Variants in RBMS3 observed in about 807,000 individuals in gnomAD.
The protein encoded by RBMS3 is RNA-binding motif, single-stranded-interacting protein 3.
Under a neutral mutation model 66.8 loss-of-function variants are expected in RBMS3, and 27 were observed. That is an observed-to-expected ratio of 0.40 (90% CI 0.30 to 0.56). RBMS3 has a LOEUF of 0.56. Ranked by LOEUF, RBMS3 falls within the 20% of genes least tolerant of loss-of-function variation. The pLI is 0.40. For missense variants in RBMS3, 513 were observed against 549.5 expected (o/e 0.93, Z 0.66); for synonymous variants, 188 against 183.0 (o/e 1.03, Z -0.22).
intron 4 of RBMS3, among the ~76,000 whole-genome samples, chr3:29,641,607 CTT>C (rs1475168845): frequency 1.3e-5 from 2 of 152,002 alleles, no homozygotes; most frequent in African/African-American, 4.8e-5. Flanking sequence ...ATGGCAATGA[CTT>C]TTAATTTTTT....
intron 7 of RBMS3, among the ~76,000 whole-genome samples, chr3:29,881,637 G>A (rs773204703): frequency 2.0e-5 from 3 of 152,120 alleles, no homozygotes; most frequent in Non-Finnish European, 4.4e-5. Context: ...TGAAGAAGGA[G>A]GTCAACATAG....
chr3:29,580,913 T>A (rs72855102), intron 3 of RBMS3, among the ~76,000 whole-genome samples: 2 of 152,314 alleles, frequency 1.3e-5, no homozygotes, highest in South Asian at 2.1e-4. Flanking sequence ...CTCTGTTTGC[T>A]AAGTGTCTGA....
At chr3:29,440,213 T>A (rs547250988) in intron 2 of RBMS3, among the ~76,000 whole-genome samples, 41 of 152,304 alleles carry the variant, frequency 2.7e-4, no homozygotes, top group African/African-American at 9.6e-4. Context: ...AAATCATTAT[T>A]GTATTTATAT....
At chr3:29,770,780 G>C (rs961149721) in intron 6 of RBMS3, among the ~76,000 whole-genome samples, 2 of 151,990 alleles carry the variant, frequency 1.3e-5, no homozygotes, top group Non-Finnish European at 2.9e-5. Flanking sequence ...CTATTAGGAA[G>C]CTGAGGGTTG....
chr3:29,648,016 A>G (rs770181297), intron 4 of RBMS3, among the ~76,000 whole-genome samples: 15 of 152,196 alleles, frequency 9.9e-5, no homozygotes, highest in Non-Finnish European at 1.8e-4. Flanking sequence ...CACTAAAAAT[A>G]ATGAGACATG....
chr3:29,587,773 G>A (rs2047585672), intron 4 of RBMS3, among the ~76,000 whole-genome samples: 1 of 151,710 alleles, frequency 6.6e-6, no homozygotes, highest in African/African-American at 2.4e-5. Flanking sequence ...TTTCACTTTG[G>A]CCTTTATATG....
chr3:29,465,572 A>T (rs2042515723), intron 2 of RBMS3, among the ~76,000 whole-genome samples: 1 of 148,682 alleles, frequency 6.7e-6, no homozygotes, highest in African/African-American at 2.5e-5. Context: ...AAATCTAGTG[A>T]GCCCCTGAGC....
intron 4 of RBMS3, among the ~76,000 whole-genome samples, chr3:29,670,668 A>G (rs1321527427): frequency 2.0e-5 from 3 of 152,216 alleles, no homozygotes; most frequent in Non-Finnish European, 4.4e-5. Context: ...ACAGCAGTCC[A>G]AGATCGAACT....
chr3:29,620,974 G>A (rs886380316), intron 4 of RBMS3, among the ~76,000 whole-genome samples: 2 of 151,996 alleles, frequency 1.3e-5, no homozygotes, highest in Non-Finnish European at 2.9e-5. Flanking sequence ...TATCTATTAA[G>A]ACTAAGAAAT....
chr3:29,960,649 A>G (rs1194565566), intron 12 of RBMS3, among the ~76,000 whole-genome samples: 1 of 152,100 alleles, frequency 6.6e-6, no homozygotes, highest in Non-Finnish European at 1.5e-5. Context: ...AGATTTTTCC[A>G]TACATCCTCT....
intron 1 of RBMS3, among the ~76,000 whole-genome samples, chr3:29,402,309 C>T (rs2039846389): frequency 6.6e-6 from 1 of 152,064 alleles, no homozygotes; most frequent in African/African-American, 2.4e-5. Context: ...TCCAACAAAA[C>T]CATGATATTA....
chr3:29,780,667 A>G (rs2056600383), intron 6 of RBMS3, among the ~76,000 whole-genome samples: 1 of 152,112 alleles, frequency 6.6e-6, no homozygotes, highest in South Asian at 2.1e-4. Context: ...AAATTAATCT[A>G]TTCTTTTCAC....
At chr3:29,493,319 T>A (rs976243102) in intron 3 of RBMS3, among the ~76,000 whole-genome samples, 2 of 152,196 alleles carry the variant, frequency 1.3e-5, no homozygotes, top group African/African-American at 4.8e-5. Context: ...CTGTGGTAGA[T>A]CCAGGCTGCC....
At chr3:29,920,575 A>G (rs1229976192) in intron 10 of RBMS3, among the ~76,000 whole-genome samples, 7 of 152,146 alleles carry the variant, frequency 4.6e-5, no homozygotes, top group Non-Finnish European at 1.0e-4. Flanking sequence ...TGAAATCATC[A>G]TTTCATATTT....
At position 29,674,760 on chromosome 3, in the gene RBMS3, A is replaced by G. The variant is rs559211285; in HGVS notation, c.400-64960A>G. On this transcript the variant is annotated intron_variant, in intron 4 of 14. Transcript: ENST00000383767. ...TCCAAAAAAAAAAAAAAAAAAAAAG[A>G]CACAAATGGAAGAACATTCCATGCT... 4.2e-5 allele frequency among the ~76,000 whole-genome samples: 6 copies of G among 144,384 alleles called. No homozygotes were observed. The East Asian group carries it at 1.2e-3, about 29-fold the overall frequency. 94.7% of individuals were successfully genotyped at this position (144,384 alleles called of 152,430 possible).
At chr3:29,614,596 C>T (rs1189441749) in intron 4 of RBMS3, 2 of 152,000 alleles carry the variant, frequency 1.3e-5, no homozygotes, top group African/African-American at 2.4e-5. Context: ...TACAATAAAT[C>T]AATGGGAGAA....
At position 29,345,705 on chromosome 3, in the gene RBMS3, T is replaced by A. The variant is rs573935012; in HGVS notation, c.75+63949T>A. Among the ~76,000 whole-genome samples, 19 of 152,326 alleles carry A rather than the reference T, an allele frequency of 1.2e-4. No homozygotes were observed. In the South Asian group the frequency reaches 3.9e-3, roughly 32 times the overall value. On this transcript the variant is annotated intron_variant, in intron 1 of 14. Transcript: ENST00000383767. ...GAAAATTCATGTAACCAGGTTTATGTGTGGGTCTGATGTTTTAAGGGACAG... is the reference window on the plus strand; with the variant it reads ...GAAAATTCATGTAACCAGGTTTATGAGTGGGTCTGATGTTTTAAGGGACAG...
At chr3:29,915,378 C>A (rs930996051) in intron 10 of RBMS3, among the ~76,000 whole-genome samples, 3 of 151,850 alleles carry the variant, frequency 2.0e-5, no homozygotes, top group Admixed American at 2.0e-4. Context: ...GAAAAAGCTA[C>A]ATAGGGGGAT....
At chr3:29,836,379 C>T (rs564088792) in intron 6 of RBMS3, among the ~76,000 whole-genome samples, 3 of 151,954 alleles carry the variant, frequency 2.0e-5, no homozygotes, top group East Asian at 1.9e-4. Context: ...TACTAGTGAA[C>T]CAAATTTAAC....
Sources: gnomAD v4.1 joint callset for allele counts (sites outside exome capture counted in the v4.1 genomes callset) on GRCh38, gnomAD v4.1.1 for gene constraint, MANE v1.5 for transcripts, NCBI Gene and HGNC (gene_info 2026-07-23, HGNC 2026-07-21) for gene names.